The following GOLGA1 variants were observed in gnomAD, a reference collection of about 807,000 sequenced individuals.
GOLGA1 encodes golgin A1.
A neutral mutation model predicts 119.7 loss-of-function variants in GOLGA1; 63 were observed. The observed-to-expected ratio is 0.53, with a 90% confidence interval of 0.43 to 0.65. The LOEUF (loss-of-function observed/expected upper bound fraction) is 0.65. GOLGA1 is among the 30% of genes least tolerant of loss of function. The pLI is 0.00. For synonymous variants in GOLGA1, 318 were observed against 333.4 expected (o/e 0.95, Z 0.50); for missense variants, 798 against 912.8 (o/e 0.87, Z 1.62).
intron 19 of GOLGA1, among the ~76,000 whole-genome samples, chr9:124,886,916 C>A (rs1829735463): frequency 6.6e-6 from 1 of 152,046 alleles, no homozygotes; most frequent in Non-Finnish European, 1.5e-5. Context: ...GCGGGGAACA[C>A]TGGGCTGCCC....
chr9:124,911,154 C>G (rs1456962386), intron 11 of GOLGA1, among the ~76,000 whole-genome samples: 1 of 152,126 alleles, frequency 6.6e-6, no homozygotes, highest in South Asian at 2.1e-4. Context: ...TGGCAGTGAG[C>G]GTGGGAGACT....
chr9:124,894,414 T>G (rs1588063865), intron 15 of GOLGA1, among the ~76,000 whole-genome samples: 2 of 145,298 alleles, frequency 1.4e-5, no homozygotes, highest in Non-Finnish European at 1.5e-5. Flanking sequence ...GTGTGTGTGT[T>G]TGAAATAGGT....
rs1451643297 is a variant in GOLGA1, at chr9:124,903,528, G to A, written c.1066-2981C>T. Among the ~76,000 whole-genome samples the A allele has an allele frequency of 4.6e-5, 7 of 151,600 alleles. No homozygotes were observed. The East Asian group carries it at 7.8e-4, about 17-fold the overall frequency. ...TCCCTAAGTACTGGGCTTACAGAAC[G>A]GGGGCTCGTGCCTGCAAGCCAAGCA... is the stretch of plus-strand genomic sequence containing the variant. On this transcript the variant is annotated intron_variant, in intron 12 of 22. Coordinates refer to ENST00000373555, the MANE Select transcript of GOLGA1 (RefSeq NM_002077.4).
Position 124,879,605 on chromosome 9 carries a change from C to T in GOLGA1, c.*925G>A, listed in dbSNP as rs1372271175. The T allele has an allele frequency of 6.6e-6, 1 of 151,318 alleles. No individual in the cohort carries two copies. The highest frequency in any genetic ancestry group is 1.5e-5 in the Non-Finnish European group (1 of 67,932). 9.4% of individuals were successfully genotyped at this position (151,318 alleles called of 1,614,324 possible). ...AGCGCAGCACAGAATCAAGACAAAG[C>T]ACACGAGATCCCACTGCACTTCAGA... is the stretch of plus-strand genomic sequence containing the variant. On this transcript the variant is annotated 3_prime_UTR_variant, in exon 23 of 23. Transcript: ENST00000373555.
intron 19 of GOLGA1, 97 bp from the exon 20 acceptor site, chr9:124,882,666 G>A (rs1237265810): frequency 1.1e-5 from 10 of 931,900 alleles, no homozygotes; most frequent in Non-Finnish European, 1.7e-5. Flanking sequence ...CTGTACACCT[G>A]TGAGGAGCCT....
Position 124,900,547 on chromosome 9 carries a change from C to G in GOLGA1, c.1066G>C (p.Val356Leu). ...TGCAAGGTCTGCTCCAGTTCTCTCA[C>G]CTGAGAGGGAAGCAGAAGCATTCTT... is the stretch of plus-strand genomic sequence containing the variant. Reference protein sequence around the residue: ...AKAINTLETRVRELEQTLQAS... With the variant: ...AKAINTLETRLRELEQTLQAS... Residue 356 changes from valine to leucine, a missense_variant and splice_region_variant, in exon 13 of 23, where the codon GTG becomes CTG. Coordinates refer to ENST00000373555, the MANE Select transcript of GOLGA1 (RefSeq NM_002077.4). 1 of 1,482,508 alleles carries G rather than the reference C, an allele frequency of 6.7e-7. No individual in the cohort carries two copies. The highest frequency in any genetic ancestry group is 9.4e-7 in the Non-Finnish European group (1 of 1,063,210). 91.8% of individuals were successfully genotyped at this position (1,482,508 alleles called of 1,614,324 possible).
intron 7 of GOLGA1, 73 bp downstream of exon 7, chr9:124,926,636 T>A (rs1387964669): frequency 1.1e-6 from 1 of 903,056 alleles, no homozygotes; most frequent in East Asian, 2.4e-5. Flanking sequence ...GTATGTTGGT[T>A]ACCGGATAAA....
Position 124,889,211 on chromosome 9 carries a change from C to A in GOLGA1, c.1693G>T (p.Glu565Ter), listed in dbSNP as rs1342816019. The A allele has an allele frequency of 6.2e-7, 1 of 1,612,958 alleles. No homozygotes were observed. Among genetic ancestry groups the A allele is most frequent in the Non-Finnish European group, 8.5e-7 (1 of 1,179,838 alleles). ...LKAEEAAVVA[E>*]QEDLLRLRGP... ...CGCAGCCTCAGCAGGTCCTCCTGCT[C>A]CGCGACCACTGCAGCCTCCTCCGCC... The change falls in exon 18 of 23, where the codon GAG (glutamate) becomes TAG (stop). Residue 565 changes from glutamate to a stop codon, truncating the protein, a stop_gained. Transcript: ENST00000373555. LOFTEE classifies it high-confidence loss of function.
intron 13 of GOLGA1, among the ~76,000 whole-genome samples, chr9:124,899,787 T>C (rs925477355): frequency 3.9e-5 from 6 of 152,204 alleles, no homozygotes; most frequent in African/African-American, 1.2e-4. Flanking sequence ...GGCTGCGGCT[T>C]TCCCTGGGGA....
Position 124,899,436 on chromosome 9 carries a change from G to A in GOLGA1, c.1204C>T (p.Leu402Phe). Residue 402 changes from leucine to phenylalanine, a missense_variant, in exon 14 of 23, where the codon CTT becomes TTT. Transcript: ENST00000373555. Reference protein sequence around the residue: ...QESSHVQQQALALEQQFLERT... With the variant: ...QESSHVQQQAFALEQQFLERT... ...TCCAAGAACTGCTGCTCCAGAGCAA[G>A]GGCCTGCTGCTGCACATGGCTGCTC... is the stretch of plus-strand genomic sequence containing the variant. 6.5e-7 allele frequency: 1 copy of A among 1,548,270 alleles called. No individual in the cohort carries two copies. Among genetic ancestry groups the A allele is most frequent in the Non-Finnish European group, 8.7e-7 (1 of 1,148,370 alleles).
intron 13 of GOLGA1, 75 bp from the exon 14 acceptor site, chr9:124,899,553 G>A (rs557273964): frequency 7.3e-7 from 1 of 1,376,532 alleles, no homozygotes; most frequent in Non-Finnish European, 9.9e-7. Flanking sequence ...GGCCCTAGGT[G>A]AGAAGATGAG....
At chr9:124,891,842 G>A (rs1435858388) in intron 15 of GOLGA1, among the ~76,000 whole-genome samples, 2 of 149,954 alleles carry the variant, frequency 1.3e-5, no homozygotes, top group African/African-American at 4.9e-5. Flanking sequence ...ACCGGGTTTC[G>A]CCATGTTGGC....
At chr9:124,934,905 G>A (rs1830835129) in intron 3 of GOLGA1, among the ~76,000 whole-genome samples, 1 of 152,078 alleles carries the variant, frequency 6.6e-6, no homozygotes, top group African/African-American at 2.4e-5. Flanking sequence ...AAATTAGCTG[G>A]GTGTGGCGGC....
At chr9:124,900,922 C>T (rs1419245256) in intron 12 of GOLGA1, among the ~76,000 whole-genome samples, 1 of 150,870 alleles carries the variant, frequency 6.6e-6, no homozygotes, top group Non-Finnish European at 1.5e-5. Context: ...CTTAGGCTTT[C>T]TGTTTTTCCC....
chr9:124,882,041 T>C, intron 20 of GOLGA1, 87 bp from the exon 21 acceptor site: 1 of 1,018,512 alleles, frequency 9.8e-7, no homozygotes, highest in Non-Finnish European at 1.5e-6. Flanking sequence ...GTCCAAACTA[T>C]GATCACTATC....
upstream of GOLGA1, chr9:124,944,450 C>A (rs917116414): frequency 2.0e-5 from 3 of 152,270 alleles, no homozygotes; most frequent in Admixed American, 1.3e-4. Flanking sequence ...CAGGCGCACA[C>A]CACCATGCCT....
At chr9:124,902,002 C>A (rs1337755050) in intron 12 of GOLGA1, among the ~76,000 whole-genome samples, 1 of 152,246 alleles carries the variant, frequency 6.6e-6, no homozygotes, top group South Asian at 2.1e-4. Flanking sequence ...TACTGAGTTG[C>A]ACTTGGCTCT....
intron 3 of GOLGA1, among the ~76,000 whole-genome samples, chr9:124,932,858 C>T (rs1363778656): frequency 6.6e-6 from 1 of 152,154 alleles, no homozygotes; most frequent in Admixed American, 6.6e-5. Context: ...AGGGGCAAGG[C>T]AGCTTTCTGG....
chr9:124,908,250 A>C, intron 12 of GOLGA1, 127 bp downstream of exon 12: 1 of 674,958 alleles, frequency 1.5e-6, no homozygotes, highest in Non-Finnish European at 2.7e-6. Flanking sequence ...ATCCCTGTAT[A>C]GGTAAGATCC....
Sources: gnomAD v4.1 joint callset for allele counts (sites outside exome capture counted in the v4.1 genomes callset) on GRCh38, gnomAD v4.1.1 for gene constraint, MANE v1.5 for transcripts, NCBI Gene and HGNC (gene_info 2026-07-23, HGNC 2026-07-21) for gene names.